Variants in DAPK1 observed in about 807,000 individuals in gnomAD.
DAPK1 encodes death associated protein kinase 1.
A neutral mutation model predicts 144.9 loss-of-function variants in DAPK1; 56 were observed. The ratio of observed to expected loss-of-function variants is 0.39; its 90% confidence interval spans 0.31 to 0.48. The LOEUF (loss-of-function observed/expected upper bound fraction) is 0.48. Among genes scored for constraint, DAPK1 ranks in the 20% least tolerant of loss-of-function variants. The pLI, the probability that DAPK1 is intolerant of heterozygous loss-of-function variation, is 0.95. For missense variants in DAPK1, 1,454 were observed against 1,875.4 expected (o/e 0.78, Z 4.15); for synonymous variants, 690 against 749.0 (o/e 0.92, Z 1.29).
intron 18 of DAPK1, 119 bp from the exon 19 acceptor site, chr9:87,668,478 C>A (rs1453176949): frequency 2.7e-6 from 2 of 737,148 alleles, no homozygotes; most frequent in Non-Finnish European, 4.9e-6. Flanking sequence ...CTTTGTCCAC[C>A]TGGCTTGCTT....
chr9:87,658,963 C>T (rs140324659), intron 18 of DAPK1, among the ~76,000 whole-genome samples: 135 of 152,320 alleles, frequency 8.9e-4, no homozygotes, highest in Non-Finnish European at 1.5e-3. Context: ...GGCCATATCC[C>T]GCTGCTGGTC....
intron 15 of DAPK1, 88 bp from the exon 16 acceptor site, chr9:87,649,833 C>A: frequency 7.3e-7 from 1 of 1,376,706 alleles, no homozygotes; most frequent in Non-Finnish European, 1.0e-6. Context: ...TGCGTTTCTG[C>A]CAAATTTGAC....
intron 2 of DAPK1, among the ~76,000 whole-genome samples, chr9:87,517,648 C>T (rs1475524): frequency 0.64 from 97,822 of 152,008 alleles, 31,693 homozygotes; most frequent in South Asian, 0.83. Flanking sequence ...GAGGAATTGC[C>T]GAAAAGTTCC....
At position 87,646,031 on chromosome 9, in the gene DAPK1, C is replaced by T; in HGVS notation, c.1131+17C>T. 6.2e-7 allele frequency: 1 copy of T among 1,611,166 alleles called. No homozygotes were observed. The highest frequency in any genetic ancestry group is 8.5e-7 in the Non-Finnish European group (1 of 1,178,368). On this transcript the variant is annotated intron_variant, in intron 12 of 25. Coordinates refer to ENST00000408954, the MANE Select transcript of DAPK1 (RefSeq NM_004938.4). ...CCCAACAAGGTCTGGTTCTGTTCTG[C>T]CGCATACTGGAGGGGTGGGTCACAG...
chr9:87,597,198 G>A (rs1271117129), intron 2 of DAPK1, among the ~76,000 whole-genome samples: 1 of 152,152 alleles, frequency 6.6e-6, no homozygotes, highest in Non-Finnish European at 1.5e-5. Context: ...CAGATTCAAG[G>A]GTTAGAGACT....
In DAPK1 at chr9:87,651,621, A is replaced by G. The variant is rs1260844246; in HGVS notation, c.1721A>G (p.Asp574Gly). The G allele has an allele frequency of 6.2e-7, 1 of 1,614,176 alleles. No individual in the cohort carries two copies. The highest frequency in any genetic ancestry group is 1.7e-5 in the Admixed American group (1 of 60,026). Reference protein sequence around the residue: ...LSQGCFVDYQDRHGNTPLHVA... With the variant: ...LSQGCFVDYQGRHGNTPLHVA... ...CAAGGGTGTTTCGTCGATTATCAAG[A>G]CAGGCACGGCAATACTCCCCTCCAT... The change falls in exon 17 of 26, where the codon GAC (aspartate) becomes GGC (glycine). Residue 574 changes from aspartate (D) to glycine (G), a missense_variant. Physicochemically the swap from Asp to Gly is moderately conservative, Grantham distance 94. Around this residue, in one of 2 missense-constraint regions of DAPK1, gnomAD observed 1,025 missense variants for 1,237.9 expected, o/e 0.83. Transcript: ENST00000408954.
chr9:87,611,907 T>A (rs565326625), intron 3 of DAPK1, among the ~76,000 whole-genome samples: 1 of 152,372 alleles, frequency 6.6e-6, no homozygotes, highest in African/African-American at 2.4e-5. Flanking sequence ...TGTCCCTGTC[T>A]TAGTTCATTT....
At chr9:87,541,793 T>A (rs1015364186) in intron 2 of DAPK1, among the ~76,000 whole-genome samples, 11 of 152,208 alleles carry the variant, frequency 7.2e-5, no homozygotes, top group African/African-American at 2.4e-4. Flanking sequence ...GATATTATGG[T>A]GACTTGTACA....
At chr9:87,662,563 T>TTTTTTG (rs1830892031) in intron 18 of DAPK1, among the ~76,000 whole-genome samples, 1 of 131,324 alleles carries the variant, frequency 7.6e-6, no homozygotes, top group Non-Finnish European at 1.6e-5. Context: ...ATTCCTAGTT[T>TTTTTTG]TTTTTTTTTT....
chr9:87,497,831 C>T (rs1824222958), upstream of DAPK1: 28 of 388,184 alleles, frequency 7.2e-5, no homozygotes, highest in East Asian at 1.0e-3. Context: ...CTGCCGGCCG[C>T]CCTCCGCCCA....
intron 2 of DAPK1, among the ~76,000 whole-genome samples, chr9:87,577,487 C>T (rs924247069): frequency 3.9e-5 from 6 of 152,062 alleles, no homozygotes; most frequent in Non-Finnish European, 5.9e-5. Flanking sequence ...AGCCCAGGCA[C>T]GAGGATGTTT....
chr9:87,582,219 C>T (rs377018282), intron 2 of DAPK1, among the ~76,000 whole-genome samples: 20 of 151,944 alleles, frequency 1.3e-4, no homozygotes, highest in African/African-American at 4.6e-4. Context: ...AGAATTTTGG[C>T]TTCTTTTCTG....
At chr9:87,623,757 C>T (rs543013080) in intron 3 of DAPK1, among the ~76,000 whole-genome samples, 21 of 152,212 alleles carry the variant, frequency 1.4e-4, no homozygotes, top group East Asian at 5.8e-4. Flanking sequence ...GGACTGTGTG[C>T]CATGCCCTTG....
intron 2 of DAPK1, among the ~76,000 whole-genome samples, chr9:87,508,262 T>A (rs533862377): frequency 5.3e-4 from 80 of 152,140 alleles, no homozygotes; most frequent in African/African-American, 1.8e-3. Flanking sequence ...TCTGCCCTCC[T>A]CGGTCTCCCA....
At chr9:87,562,426 C>G (rs1461486199) in intron 2 of DAPK1, among the ~76,000 whole-genome samples, 1 of 152,132 alleles carries the variant, frequency 6.6e-6, no homozygotes, top group Non-Finnish European at 1.5e-5. Flanking sequence ...TTGAGGCTTT[C>G]GTCGGGAACC....
intron 2 of DAPK1, among the ~76,000 whole-genome samples, chr9:87,501,591 A>G (rs555363098): frequency 1.3e-5 from 2 of 152,236 alleles, no homozygotes; most frequent in Non-Finnish European, 2.9e-5. Context: ...TATCTTTAGC[A>G]GTCATCTAAA....
At chr9:87,506,361 G>A (rs1397907850) in intron 2 of DAPK1, among the ~76,000 whole-genome samples, 2 of 152,208 alleles carry the variant, frequency 1.3e-5, no homozygotes, top group African/African-American at 2.4e-5. Flanking sequence ...CAGAACTTTC[G>A]CAGGCCTTAA....
chr9:87,657,936 C>T, intron 17 of DAPK1, 93 bp from the exon 18 acceptor site: 2 of 716,392 alleles, frequency 2.8e-6, no homozygotes, highest in Non-Finnish European at 5.2e-6. Context: ...TTCTGGTGGG[C>T]CCTGACCCCT....
intron 2 of DAPK1, chr9:87,554,178 A>G (rs2118590164): frequency 6.6e-6 from 1 of 152,344 alleles, no homozygotes; most frequent in East Asian, 1.9e-4. Flanking sequence ...CATCTGGGGA[A>G]CTTATAGTTC....
Sources: allele counts gnomAD v4.1 joint callset (sites outside exome capture counted in the v4.1 genomes callset), GRCh38; gene constraint gnomAD v4.1.1; regional missense constraint gnomAD v4.1.1; transcripts MANE v1.5; gene names NCBI Gene and HGNC (gene_info 2026-07-23, HGNC 2026-07-21).